The following ZIM2 variants were observed in gnomAD, a reference collection of about 807,000 sequenced individuals.
The protein encoded by ZIM2 is zinc finger imprinted 2.
ZIM2 carries 14 observed loss-of-function variants against 38.6 expected under a neutral mutation model. The ratio of observed to expected loss-of-function variants is 0.36; its 90% CI spans 0.24 to 0.57. The LOEUF is 0.57. ZIM2 is among the 20% of genes least tolerant of loss of function. The pLI, the probability that ZIM2 is intolerant of heterozygous loss-of-function variation, is 0.81. For synonymous variants in ZIM2, 247 were observed against 245.8 expected (o/e 1.00, Z -0.04); for missense variants, 680 against 695.1 (o/e 0.98, Z 0.24).
At chr19:56,776,906 AAC>A (rs1451110830) in intron 12 of ZIM2, among the ~76,000 whole-genome samples, 1 of 152,190 alleles carries the variant, frequency 6.6e-6, no homozygotes, top group African/African-American at 2.4e-5. Context: ...GGGAGCTAGA[AAC>A]ACAGGATCTT....
At chr19:56,808,325 T>C (rs1221066169) in intron 9 of ZIM2, among the ~76,000 whole-genome samples, 2 of 152,104 alleles carry the variant, frequency 1.3e-5, no homozygotes, top group African/African-American at 4.8e-5. Flanking sequence ...TTGAACTACT[T>C]TGGTTTGAGA....
Position 56,822,809 on chromosome 19 carries a change from C to A in ZIM2, c.134G>T (p.Arg45Ile). 2 of 1,614,138 alleles carry A rather than the reference C, an allele frequency of 1.2e-6. No individual in the cohort carries two copies. Among genetic ancestry groups the A allele is most frequent in the Non-Finnish European group, 8.5e-7 (1 of 1,180,022 alleles). Residue 45 changes from arginine (R) to isoleucine (I), a missense_variant, in exon 6 of 13, where the codon AGA (arginine) becomes ATA (isoleucine). Physicochemically the swap from Arg to Ile is moderately conservative, Grantham distance 97 (BLOSUM62 -3). Coordinates refer to ENST00000629319, the MANE Select transcript of ZIM2 (RefSeq NM_001387356.1). The part of the protein sequence containing the change: ...SGDRDWDRRG[R>I]SRDMEPRDRW... The stretch of plus-strand genomic sequence containing the variant: ...GTCTCGTGGCTCCATGTCTCTGCTT[C>A]TGCCCCTCCGGTCCCAGTCCCGGTC...
intron 9 of ZIM2, chr19:56,816,880 G>A: frequency 6.2e-7 from 1 of 1,614,052 alleles, no homozygotes; most frequent in Middle Eastern, 1.6e-4. Flanking sequence ...CCGATGTTCA[G>A]CCAAGGCGGC....
intron 2 of ZIM2, among the ~76,000 whole-genome samples, chr19:56,829,823 T>C (rs2061411619): frequency 6.6e-6 from 1 of 152,232 alleles, no homozygotes; most frequent in South Asian, 2.1e-4. Context: ...CGTGACCTTC[T>C]GTGACAGCGA....
intron 1 of ZIM2, among the ~76,000 whole-genome samples, chr19:56,838,588 G>A (rs2062498538): frequency 6.6e-6 from 1 of 152,232 alleles, no homozygotes. Context: ...GGCAACAACA[G>A]GGGAAGGGGT....
chr19:56,818,496 C>T (rs1042487712), intron 8 of ZIM2, 104 bp downstream of exon 8: 2 of 1,219,576 alleles, frequency 1.6e-6, no homozygotes, highest in East Asian at 4.7e-5. Flanking sequence ...CCCTTGAAGT[C>T]CAAATATATT....
At chr19:56,813,649 G>A (rs368764800) in intron 9 of ZIM2, 516 of 1,593,564 alleles carry the variant, frequency 3.2e-4, no homozygotes, top group Non-Finnish European at 2.5e-4. Context: ...CCTAGGTGAA[G>A]GTTTTCTAAC....
intron 11 of ZIM2, among the ~76,000 whole-genome samples, chr19:56,781,710 T>C (rs1023154760): frequency 1.6e-4 from 24 of 152,130 alleles, no homozygotes; most frequent in Admixed American, 1.5e-3. Context: ...AGTGTGAGGA[T>C]TAAAGGAGTT....
Position 56,814,801 on chromosome 19 carries a change from G to C in ZIM2, c.490+2945C>G. 5.0e-6 allele frequency: 8 copies of C among 1,614,150 alleles called. No individual in the cohort carries two copies. Among genetic ancestry groups the C allele is most frequent in the Non-Finnish European group, 6.8e-6 (8 of 1,180,038 alleles). On this transcript the variant is annotated intron_variant, in intron 9 of 12. Transcript: ENST00000629319. The surrounding 1 kb of genome is among the most constrained non-coding windows in gnomAD (Gnocchi z 5.8). ...CCCAGCAAGAGCAGGATTCCTCTCT[G>C]CAGCACGATTCCTCCGTGGCTTCAT...
chr19:56,796,584 C>T lies in ZIM2; in HGVS notation c.491-6633G>A, dbSNP rs2047241504. ...GTCAGTCCTCTAGGCCCAGAAATGACCAAGCAAAGCTTACCCTCTGGCTGC... is the reference window on the plus strand; with the variant it reads ...GTCAGTCCTCTAGGCCCAGAAATGATCAAGCAAAGCTTACCCTCTGGCTGC... On this transcript the variant is annotated intron_variant, in intron 9 of 12. Coordinates refer to ENST00000629319, the MANE Select transcript of ZIM2 (RefSeq NM_001387356.1). Among the ~76,000 whole-genome samples the T allele has an allele frequency of 2.0e-5, 3 of 152,130 alleles. No homozygotes were observed. In the South Asian group the frequency reaches 6.2e-4, roughly 31 times the overall value.
At chr19:56,800,150 T>C (rs1043554642) in intron 9 of ZIM2, among the ~76,000 whole-genome samples, 2 of 152,162 alleles carry the variant, frequency 1.3e-5, no homozygotes, top group African/African-American at 4.8e-5. Flanking sequence ...CATTGAATAA[T>C]ATCCTTAAGA....
intron 7 of ZIM2, among the ~76,000 whole-genome samples, chr19:56,819,396 T>G (rs2060270285): frequency 6.6e-6 from 1 of 152,212 alleles, no homozygotes; most frequent in South Asian, 2.1e-4. Flanking sequence ...AAAAGGAATT[T>G]TAAAATTCCT....
chr19:56,779,563 C>T lies in ZIM2; in HGVS notation c.740-91G>A. 5.6e-6 allele frequency: 7 copies of T among 1,245,342 alleles called. No homozygotes were observed. In the South Asian group the frequency reaches 9.0e-5, roughly 16 times the overall value. 77.1% of individuals were successfully genotyped at this position (1,245,342 alleles called of 1,614,324 possible). A position where few individuals can be genotyped will look rare whatever the true frequency, so the allele number is the denominator to read the frequency against. Reference sequence around the variant, plus strand: ...TGGAATAATAAGGAAGGAACAAACTCTCGCAGGAGTAAAATGAAGCCTGTT... The same window carrying T: ...TGGAATAATAAGGAAGGAACAAACTTTCGCAGGAGTAAAATGAAGCCTGTT... On this transcript the variant is annotated intron_variant, in intron 11 of 12. Transcript: ENST00000629319.
At position 56,821,762 on chromosome 19, in the gene ZIM2, G is replaced by T. The variant is rs1268359351; in HGVS notation, c.191-8C>A. The stretch of plus-strand genomic sequence containing the variant: ...GATCCCGCGGAGGCATCCCTGGGAA[G>T]AAAAAAGGCATCAACAAGAAGCAGG... On this transcript the variant is annotated splice_polypyrimidine_tract_variant and splice_region_variant and intron_variant, in intron 6 of 12. Coordinates refer to ENST00000629319, the MANE Select transcript of ZIM2 (RefSeq NM_001387356.1). 1 of 1,613,426 alleles carries T rather than the reference G, an allele frequency of 6.2e-7. No individual in the cohort carries two copies. Among genetic ancestry groups the T allele is most frequent in the South Asian group, 1.1e-5 (1 of 91,054 alleles).
At chr19:56,834,248 C>T (rs2061857067) in intron 2 of ZIM2, among the ~76,000 whole-genome samples, 2 of 152,122 alleles carry the variant, frequency 1.3e-5, no homozygotes, top group South Asian at 4.1e-4. Context: ...TCTCATCAGA[C>T]CTAACTTGAA....
chr19:56,815,657 C>T (rs753808923), intron 9 of ZIM2: 1 of 1,614,156 alleles, frequency 6.2e-7, no homozygotes, highest in East Asian at 2.2e-5. Context: ...TATTCACGGA[C>T]ATTTGAGCTG....
chr19:56,820,131 C>A (rs897263176), intron 7 of ZIM2, among the ~76,000 whole-genome samples: 1 of 152,216 alleles, frequency 6.6e-6, no homozygotes, highest in African/African-American at 2.4e-5. Context: ...ACAATGACAT[C>A]TTAATGCATA....
At chr19:56,779,751 C>T (rs181672076) in intron 11 of ZIM2, among the ~76,000 whole-genome samples, 3 of 152,060 alleles carry the variant, frequency 2.0e-5, no homozygotes, top group Non-Finnish European at 1.5e-5. Flanking sequence ...CAACCCGGGA[C>T]GATCTGGTTC....
At chr19:56,840,215 G>T (rs1011713299) in intron 1 of ZIM2, among the ~76,000 whole-genome samples, 3 of 152,206 alleles carry the variant, frequency 2.0e-5, no homozygotes, top group African/African-American at 4.8e-5. Flanking sequence ...CAGAGCCCCC[G>T]GCTGTCTGCC....
Sources: allele counts gnomAD v4.1 joint callset (sites outside exome capture counted in the v4.1 genomes callset), GRCh38; gene constraint gnomAD v4.1.1; non-coding constraint Gnocchi (gnomAD v3.1); transcripts MANE v1.5; gene names NCBI Gene and HGNC (gene_info 2026-07-23, HGNC 2026-07-21).